TJAP1: variants seen among roughly 807,000 people sequenced by gnomAD.
TJAP1 encodes the protein tight junction-associated protein 1.
A neutral mutation model predicts 42.0 loss-of-function variants in TJAP1; 27 were observed. The observed-to-expected ratio is 0.64, with a 90% CI of 0.47 to 0.89. The LOEUF is 0.89. TJAP1 is among the 40% of genes least tolerant of loss of function. TJAP1 has a pLI of 0.00. For missense variants in TJAP1, 712 were observed against 726.9 expected (o/e 0.98, Z 0.24); for synonymous variants, 257 against 288.4 (o/e 0.89, Z 1.10).
chr6:43,495,968 T>C lies in TJAP1; in HGVS notation c.-121-1913T>C, dbSNP rs1005322772. The stretch of plus-strand genomic sequence containing the variant: ...CCTGCCGTTCATGCAGGTGTTTCGG[T>C]ACCAAGAGGACAGCACAGGCCTTGC... On this transcript the variant is annotated intron_variant, in intron 2 of 10. Coordinates refer to ENST00000372449, the Ensembl canonical transcript of TJAP1. This position sits in a 1 kb window ranked among gnomAD's most constrained non-coding sequence, Gnocchi z 4.6. Among the ~76,000 whole-genome samples, 27 of 151,876 alleles carry C rather than the reference T, an allele frequency of 1.8e-4. No individual in the cohort carries two copies. Among genetic ancestry groups the C allele is most frequent in the African/African-American group, 6.5e-4 (27 of 41,286 alleles).
chr6:43,502,649 G>A, intron 8 of TJAP1, 32 bp downstream of exon 8: 2 of 1,551,462 alleles, frequency 1.3e-6, no homozygotes, highest in Non-Finnish European at 1.7e-6. Flanking sequence ...CTTCTCCCTT[G>A]CCCTGGCCTT....
intron 2 of TJAP1, among the ~76,000 whole-genome samples, chr6:43,481,012 C>T (rs1012211047): frequency 6.6e-6 from 1 of 152,088 alleles, no homozygotes; most frequent in African/African-American, 2.4e-5. Flanking sequence ...ATCAAGTTAA[C>T]TTAAATATGC....
At chr6:43,504,944 C>T (rs754249419) in exon 11 of TJAP1, 1 of 1,614,194 alleles carries the variant, frequency 6.2e-7, no homozygotes, top group South Asian at 1.1e-5. Context: ...CGCCGGGCGC[C>T]CCTTGGCTGA....
At chr6:43,489,844 A>G (rs1479008155) in intron 2 of TJAP1, 1 of 152,248 alleles carries the variant, frequency 6.6e-6, no homozygotes, top group African/African-American at 2.4e-5. Context: ...TGCAGTGTGC[A>G]GTGTGTCCCC....
At chr6:43,479,007 T>C (rs1160395736) in intron 2 of TJAP1, among the ~76,000 whole-genome samples, 1 of 152,230 alleles carries the variant, frequency 6.6e-6, no homozygotes, top group Non-Finnish European at 1.5e-5. Context: ...CTTTGTAATC[T>C]TCCCATCAAA....
At chr6:43,489,819 T>G (rs1209515830) in intron 2 of TJAP1, 1 of 152,260 alleles carries the variant, frequency 6.6e-6, no homozygotes, top group Non-Finnish European at 1.5e-5. Flanking sequence ...TCTGCGATGC[T>G]TCCCATCAGG....
chr6:43,503,230 A>G (rs1335360636), intron 8 of TJAP1, 171 bp from the exon 9 acceptor site: 4 of 616,016 alleles, frequency 6.5e-6, no homozygotes, highest in Non-Finnish European at 1.2e-5. Context: ...CAGTCCAGAG[A>G]GCGGGAGAGA....
At chr6:43,500,633 A>C (rs961680579) in intron 4 of TJAP1, 111 bp from the exon 5 acceptor site, 50 of 1,214,576 alleles carry the variant, frequency 4.1e-5, no homozygotes, top group Non-Finnish European at 5.4e-5. Context: ...CTCTTCTGCT[A>C]TAAGAGTCTT....
At position 43,501,758 on chromosome 6, in the gene TJAP1, A is replaced by ACACACT. The variant is rs1423256237; in HGVS notation, c.290+72_290+73insACACTC. ...CACACACACACACACACACACACAC[A>ACACACT]CTCTCTCTGTCTCTCTCTCTCTCTG... On this transcript the variant is annotated intron_variant, in intron 6 of 10. Transcript: ENST00000372449. 2.5e-3 allele frequency: 1,254 copies of ACACACT among 492,440 alleles called. 8 individuals are homozygous for ACACACT. Among genetic ancestry groups the ACACACT allele is most frequent in the African/African-American group, 0.02 (592 of 28,932 alleles). 30.5% of individuals were successfully genotyped at this position (492,440 alleles called of 1,614,324 possible).
chr6:43,483,824 T>C (rs1785842514), intron 2 of TJAP1, among the ~76,000 whole-genome samples: 2 of 152,210 alleles, frequency 1.3e-5, no homozygotes. Context: ...TTTGGAAGGC[T>C]GAGGCAGGAG....
chr6:43,485,020 G>T (rs1026551664), intron 2 of TJAP1, among the ~76,000 whole-genome samples: 2 of 152,216 alleles, frequency 1.3e-5, no homozygotes, highest in East Asian at 3.8e-4. Flanking sequence ...GAGCCACCAC[G>T]CCCAGCCTCC....
At chr6:43,502,322 G>A (rs138995758) in exon 7 of TJAP1, 23 of 1,613,726 alleles carry the variant, frequency 1.4e-5, no homozygotes, top group African/African-American at 1.3e-4. Flanking sequence ...GGACCAACCA[G>A]GAGTTGGAGG....
chr6:43,478,138 T>C (rs1015913016), exon 2 of TJAP1: 18 of 152,206 alleles, frequency 1.2e-4, no homozygotes, highest in Non-Finnish European at 2.5e-4. Flanking sequence ...CAATTTCAGC[T>C]GAAGATTCAG....
At position 43,491,266 on chromosome 6, in the gene TJAP1, A is replaced by G. The variant is rs563613949; in HGVS notation, c.-121-6615A>G. Among the ~76,000 whole-genome samples, 4 of 152,094 alleles carry G rather than the reference A, an allele frequency of 2.6e-5. No homozygotes were observed. Among genetic ancestry groups the G allele is most frequent in the Admixed American group, 6.5e-5 (1 of 15,268 alleles). ...AGACCAAAGTTGGTGGGGGATATCC[A>G]TGTTGACCAGAAATATCTGTTTGTT... On this transcript the variant is annotated intron_variant, in intron 2 of 10. Coordinates refer to ENST00000372449, the Ensembl canonical transcript of TJAP1. This position sits in a 1 kb window ranked among gnomAD's most constrained non-coding sequence, Gnocchi z 4.6.
At chr6:43,498,895 C>T in intron 3 of TJAP1, 83 bp from the exon 4 acceptor site, 2 of 1,450,330 alleles carry the variant, frequency 1.4e-6, no homozygotes, top group Non-Finnish European at 1.9e-6. Context: ...AACATATGTC[C>T]CCTTTCACCA....
At chr6:43,482,865 T>A (rs534118784) in intron 2 of TJAP1, among the ~76,000 whole-genome samples, 1 of 152,300 alleles carries the variant, frequency 6.6e-6, no homozygotes, top group Non-Finnish European at 1.5e-5. Context: ...GGCTCACGCC[T>A]GTAATCCCAG....
chr6:43,477,879 G>A (rs966841881), intron 1 of TJAP1, among the ~76,000 whole-genome samples: 1 of 152,180 alleles, frequency 6.6e-6, no homozygotes, highest in Non-Finnish European at 1.5e-5. Context: ...TGCAGGCCCT[G>A]GAGAAGCAGA....
In TJAP1 at chr6:43,491,658, G is replaced by T. The variant is rs183105326; in HGVS notation, c.-121-6223G>T. Among the ~76,000 whole-genome samples, 1 of 152,106 alleles carries T rather than the reference G, an allele frequency of 6.6e-6. No individual in the cohort carries two copies. The highest frequency in any genetic ancestry group is 2.4e-5 in the African/African-American group (1 of 41,482). On this transcript the variant is annotated intron_variant, in intron 2 of 10. Coordinates refer to ENST00000372449, the Ensembl canonical transcript of TJAP1. The surrounding 1 kb of genome is among the most constrained non-coding windows in gnomAD (Gnocchi z 4.6). ...GAATATATGTACTATGCAATATTAA[G>T]GATTTATAGTACTGATCAATATCCA...
chr6:43,505,133 AC>A lies in TJAP1; in HGVS notation c.956del (p.Pro319ArgfsTer13). On this transcript the variant is annotated frameshift_variant, in exon 11 of 11. Transcript: ENST00000372449. LOFTEE classifies it high-confidence loss of function. The surrounding 1 kb of genome is among the most constrained non-coding windows in gnomAD (Gnocchi z 5.5). Reference sequence around the variant, plus strand: ...CTTTGAGAAGCTGAACCCCTACCCAACCCCGTCTCCACCACACCCACTGTAT... The same window carrying A: ...CTTTGAGAAGCTGAACCCCTACCCAACCCGTCTCCACCACACCCACTGTAT... The A allele has an allele frequency of 2.5e-6, 4 of 1,613,792 alleles. No individual in the cohort carries two copies. The highest frequency in any genetic ancestry group is 3.4e-6 in the Non-Finnish European group (4 of 1,179,914).
Sources: gnomAD v4.1 joint callset for allele counts (sites outside exome capture counted in the v4.1 genomes callset) on GRCh38, gnomAD v4.1.1 for gene constraint, Gnocchi (gnomAD v3.1) non-coding constraint, MANE v1.5 for transcripts, NCBI Gene and HGNC (gene_info 2026-07-23, HGNC 2026-07-21) for gene names.